Variants in C1orf122 observed in about 807,000 individuals in gnomAD.
C1orf122 encodes chromosome 1 open reading frame 122, also known as uncharacterized protein C1orf122.
In C1orf122, 12 loss-of-function variants were observed where a neutral mutation model predicts 12.9. The observed-to-expected ratio is 0.93, with a 90% confidence interval of 0.60 to 1.51. C1orf122 has a LOEUF of 1.51. Ranked by LOEUF, C1orf122 falls within the 40% of genes most tolerant of loss-of-function variation. C1orf122 has a pLI of 0.00. For missense variants in C1orf122, 144 were observed against 162.1 expected, an observed-to-expected ratio of 0.89 and a Z score of 0.61; for synonymous variants, 57 against 73.4, an observed-to-expected ratio of 0.78 and a Z score of 1.14.
In C1orf122 at chr1:37,809,148, G is replaced by A; in HGVS notation, c.*75G>A. 1 of 1,515,740 alleles carries A rather than the reference G, an allele frequency of 6.6e-7. No homozygotes were observed. Among genetic ancestry groups the A allele is most frequent in the Non-Finnish European group, 9.2e-7 (1 of 1,090,290 alleles). 93.9% of individuals were successfully genotyped at this position (1,515,740 alleles called of 1,614,324 possible). A position where few individuals can be genotyped will look rare whatever the true frequency, so the allele number is the denominator to read the frequency against. ...GCTGGACTCTGAACAACTCCCTTCA[G>A]TAAAGGGGCCAGTCTTCACTGGCAG... On this transcript the variant is annotated 3_prime_UTR_variant, in exon 3 of 3. Transcript: ENST00000373042.
In C1orf122 at chr1:37,808,744, C is replaced by A. The variant is rs1432552949; in HGVS notation, c.237+12C>A. 1.4e-6 allele frequency: 2 copies of A among 1,443,336 alleles called. No homozygotes were observed. Among genetic ancestry groups the A allele is most frequent in the Non-Finnish European group, 1.8e-6 (2 of 1,111,350 alleles). The allele number at this position is 1,443,336 out of a possible 1,614,324, so 89.4% of individuals were successfully genotyped here. A position where few individuals can be genotyped will look rare whatever the true frequency, so the allele number is the denominator to read the frequency against. ...CGGCTGGTGGCGGGGTTAGTGCCCA[C>A]CCTGGGCTGGGCTGGGGTGGGGTGG... On this transcript the variant is annotated intron_variant, in intron 2 of 2. Transcript: ENST00000373042.
intron 2 of C1orf122, 38 bp downstream of exon 2, chr1:37,808,770 G>A: frequency 6.9e-7 from 1 of 1,457,206 alleles, no homozygotes; most frequent in Non-Finnish European, 9.0e-7. Flanking sequence ...GGTGGGGTGG[G>A]GTCTGCCCAC....
rs1441979035 is a variant in C1orf122, at chr1:37,808,117, C to G, written c.-288C>G. 6.9e-7 allele frequency: 1 copy of G among 1,457,090 alleles called. No homozygotes were observed. The highest frequency in any genetic ancestry group is 1.5e-5 in the African/African-American group (1 of 68,050). The allele number at this position is 1,457,090 out of a possible 1,614,324, so 90.3% of individuals were successfully genotyped here. A position where few individuals can be genotyped will look rare whatever the true frequency, so the allele number is the denominator to read the frequency against. On this transcript the variant is annotated 5_prime_UTR_variant, in exon 1 of 3. Transcript: ENST00000373042. ...CCGCTCCGGGAGCCAGCAGGCCCCT[C>G]GCTCAACCCCACGCTGGCAGCCACC... is the stretch of plus-strand genomic sequence containing the variant.
chr1:37,809,098 C>T lies in C1orf122; in HGVS notation c.*25C>T, dbSNP rs543347775. On this transcript the variant is annotated 3_prime_UTR_variant, in exon 3 of 3. Coordinates refer to ENST00000373042, the MANE Select transcript of C1orf122 (RefSeq NM_198446.3). ...ACCATCCCCGAGCAGAATACCCTGA[C>T]TTCTCTCCCTCCCCAGGGCCGGTGG... The T allele has an allele frequency of 6.2e-7, 1 of 1,611,618 alleles. No homozygotes were observed. Among genetic ancestry groups the T allele is most frequent in the Admixed American group, 1.7e-5 (1 of 60,030 alleles).
Position 37,807,933 on chromosome 1 carries a change from A to ACCACGGCGCCGGCGCGCAGCTCGG in C1orf122, c.-463_-440dup. 1 of 1,246,332 alleles carries ACCACGGCGCCGGCGCGCAGCTCGG rather than the reference A, an allele frequency of 8.0e-7. No individual in the cohort carries two copies. The highest frequency in any genetic ancestry group is 1.6e-5 in the African/African-American group (1 of 64,198). 77.2% of individuals were successfully genotyped at this position (1,246,332 alleles called of 1,614,324 possible). A position where few individuals can be genotyped will look rare whatever the true frequency, so the allele number is the denominator to read the frequency against. ...GTACAGCGTATCGGTGGGGACGGCCACCACGGCGCCGGCGCGCAGCTCGGC... is the reference window on the plus strand; with the variant it reads ...GTACAGCGTATCGGTGGGGACGGCCACCACGGCGCCGGCGCGCAGCTCGGCCACGGCGCCGGCGCGCAGCTCGGC... On this transcript the variant is annotated 5_prime_UTR_variant, in exon 1 of 3. Transcript: ENST00000373042.
Position 37,808,718 on chromosome 1 carries a change from C to T in C1orf122, c.223C>T (p.Pro75Ser). ...LRQLGRRRPE[P>S]AGGGNVSAKP... ...GCAGCTGGGCCGCCGGCGCCCGGAG[C>T]CGGCTGGTGGCGGGGTTAGTGCCCA... is the stretch of plus-strand genomic sequence containing the variant. Residue 75 changes from proline to serine, a missense_variant, in exon 2 of 3, where the codon CCG (proline) becomes TCG (serine). Pro to Ser is a moderately conservative substitution (Grantham distance 74). Transcript: ENST00000373042. 7.0e-7 allele frequency: 1 copy of T among 1,427,782 alleles called. No individual in the cohort carries two copies. Among genetic ancestry groups the T allele is most frequent in the African/African-American group, 1.5e-5 (1 of 68,018 alleles). 88.4% of individuals were successfully genotyped at this position (1,427,782 alleles called of 1,614,324 possible). A position where few individuals can be genotyped will look rare whatever the true frequency, so the allele number is the denominator to read the frequency against.
At position 37,808,417 on chromosome 1, in the gene C1orf122, C is replaced by G. The variant is rs1646758880; in HGVS notation, c.13C>G (p.Pro5Ala). 1 of 1,292,450 alleles carries G rather than the reference C, an allele frequency of 7.7e-7. No individual in the cohort carries two copies. The highest frequency in any genetic ancestry group is 9.8e-7 in the Non-Finnish European group (1 of 1,021,644). 80.1% of individuals were successfully genotyped at this position (1,292,450 alleles called of 1,614,324 possible). Residue 5 changes from proline to alanine, a missense_variant, in exon 1 of 3, where the codon CCG becomes GCG. Physicochemically the swap from Pro to Ala is conservative, Grantham distance 27 (BLOSUM62 -1). Transcript: ENST00000373042. ...CGCGCAAGCGGAGATGGAATGGGGC[C>G]CGGGCTCAGACTGGTCACGGGGGTG... Reference protein sequence around the residue: MEWGPGSDWSRGEAA... With the variant: MEWGAGSDWSRGEAA...
Position 37,808,004 on chromosome 1 carries a change from C to T in C1orf122, c.-401C>T, listed in dbSNP as rs1293243965. On this transcript the variant is annotated 5_prime_UTR_variant, in exon 1 of 3. Coordinates refer to ENST00000373042, the MANE Select transcript of C1orf122 (RefSeq NM_198446.3). ...CGGTCCAGCCGGCGCGCTCCGGGCT[C>T]GCGGCCTGCACGGCCCCGCTCCCCG... is the stretch of plus-strand genomic sequence containing the variant. 1.5e-5 allele frequency: 18 copies of T among 1,209,172 alleles called. No individual in the cohort carries two copies. The highest frequency in any genetic ancestry group is 1.8e-5 in the Non-Finnish European group (18 of 974,054). 74.9% of individuals were successfully genotyped at this position (1,209,172 alleles called of 1,614,324 possible). A position where few individuals can be genotyped will look rare whatever the true frequency, so the allele number is the denominator to read the frequency against.
chr1:37,808,324 C>A lies in C1orf122; in HGVS notation c.-81C>A. On this transcript the variant is annotated 5_prime_UTR_variant, in exon 1 of 3. Transcript: ENST00000373042. ...GGAGACCGGTGGGGACGGGGCGGGG[C>A]GCAGCCTTGCGAAGCCCTAACGCAG... 7.8e-7 allele frequency: 1 copy of A among 1,274,522 alleles called. No individual in the cohort carries two copies. The highest frequency in any genetic ancestry group is 9.9e-7 in the Non-Finnish European group (1 of 1,010,974). 79.0% of individuals were successfully genotyped at this position (1,274,522 alleles called of 1,614,324 possible).
chr1:37,808,336 A>T lies in C1orf122; in HGVS notation c.-69A>T. 1 of 1,281,356 alleles carries T rather than the reference A, an allele frequency of 7.8e-7. No homozygotes were observed. Among genetic ancestry groups the T allele is most frequent in the Non-Finnish European group, 9.9e-7 (1 of 1,015,004 alleles). 79.4% of individuals were successfully genotyped at this position (1,281,356 alleles called of 1,614,324 possible). ...GGACGGGGCGGGGCGCAGCCTTGCGAAGCCCTAACGCAGCGCTGGGGAGGG... is the reference window on the plus strand; with the variant it reads ...GGACGGGGCGGGGCGCAGCCTTGCGTAGCCCTAACGCAGCGCTGGGGAGGG... On this transcript the variant is annotated 5_prime_UTR_variant, in exon 1 of 3. Transcript: ENST00000373042.
chr1:37,808,436 G>A lies in C1orf122; in HGVS notation c.32G>A (p.Arg11Gln). The A allele has an allele frequency of 6.2e-6, 8 of 1,283,590 alleles. No individual in the cohort carries two copies. The highest frequency in any genetic ancestry group is 7.9e-6 in the Non-Finnish European group (8 of 1,016,716). The allele number at this position is 1,283,590 out of a possible 1,614,324, so 79.5% of individuals were successfully genotyped here. A position where few individuals can be genotyped will look rare whatever the true frequency, so the allele number is the denominator to read the frequency against. The change falls in exon 1 of 3, where the codon CGG becomes CAG. Residue 11 changes from arginine (R) to glutamine (Q), a missense_variant. Transcript: ENST00000373042. Reference sequence around the variant, plus strand: ...TGGGGCCCGGGCTCAGACTGGTCACGGGGGTGAGAGGGGGCCCGTCGGGGC... The same window carrying A: ...TGGGGCCCGGGCTCAGACTGGTCACAGGGGTGAGAGGGGGCCCGTCGGGGC... The part of the protein sequence containing the change: MEWGPGSDWS[R>Q]GEAAGVDRGK...
chr1:37,808,375 G>T lies in C1orf122; in HGVS notation c.-30G>T, dbSNP rs539871785. The stretch of plus-strand genomic sequence containing the variant: ...CGCTGGGGAGGGGGGCGGCCGAAAG[G>T]GGGGCGGTGGTCGGGCCGCGCAAGC... On this transcript the variant is annotated 5_prime_UTR_variant, in exon 1 of 3. Coordinates refer to ENST00000373042, the MANE Select transcript of C1orf122 (RefSeq NM_198446.3). The T allele has an allele frequency of 1.4e-5, 18 of 1,287,896 alleles. No homozygotes were observed. The Admixed American group carries it at 1.7e-4, about 12-fold the overall frequency. The allele number at this position is 1,287,896 out of a possible 1,614,324, so 79.8% of individuals were successfully genotyped here.
rs1646758540 is a variant in C1orf122 at position 37,808,380 on chromosome 1, C to T, written c.-25C>T. On this transcript the variant is annotated 5_prime_UTR_variant, in exon 1 of 3. Coordinates refer to ENST00000373042, the MANE Select transcript of C1orf122 (RefSeq NM_198446.3). ...GGGAGGGGGGCGGCCGAAAGGGGGGCGGTGGTCGGGCCGCGCAAGCGGAGA... is the reference window on the plus strand; with the variant it reads ...GGGAGGGGGGCGGCCGAAAGGGGGGTGGTGGTCGGGCCGCGCAAGCGGAGA... 1.6e-6 allele frequency: 2 copies of T among 1,275,638 alleles called. No homozygotes were observed. Among genetic ancestry groups the T allele is most frequent in the Admixed American group, 4.2e-5 (1 of 23,706 alleles). 79.0% of individuals were successfully genotyped at this position (1,275,638 alleles called of 1,614,324 possible). A position where few individuals can be genotyped will look rare whatever the true frequency, so the allele number is the denominator to read the frequency against.
rs887160516 is a variant in C1orf122, at chr1:37,807,815, G to A, written c.-590G>A. On this transcript the variant is annotated 5_prime_UTR_variant, in exon 1 of 3. Transcript: ENST00000373042. The stretch of plus-strand genomic sequence containing the variant: ...ACCTGTAGACGTCGGCCACGCGGCC[G>A]AGGCATACGGCCAGAGGCTTGGCCT... The A allele has an allele frequency of 3.3e-6, 5 of 1,511,654 alleles. No individual in the cohort carries two copies. The highest frequency in any genetic ancestry group is 2.8e-5 in the African/African-American group (2 of 70,866). 93.6% of individuals were successfully genotyped at this position (1,511,654 alleles called of 1,614,324 possible).
chr1:37,807,992 G>A lies in C1orf122; in HGVS notation c.-413G>A. 2 of 1,201,370 alleles carry A rather than the reference G, an allele frequency of 1.7e-6. No individual in the cohort carries two copies. Among genetic ancestry groups the A allele is most frequent in the Non-Finnish European group, 1.0e-6 (1 of 969,288 alleles). The allele number at this position is 1,201,370 out of a possible 1,614,324, so 74.4% of individuals were successfully genotyped here. A position where few individuals can be genotyped will look rare whatever the true frequency, so the allele number is the denominator to read the frequency against. ...CCCGCAGCGCCTCGGTCCAGCCGGC[G>A]CGCTCCGGGCTCGCGGCCTGCACGG... is the stretch of plus-strand genomic sequence containing the variant. On this transcript the variant is annotated 5_prime_UTR_variant, in exon 1 of 3. Transcript: ENST00000373042.
At position 37,808,661 on chromosome 1, in the gene C1orf122, G is replaced by A; in HGVS notation, c.166G>A (p.Asp56Asn). 7.2e-7 allele frequency: 1 copy of A among 1,394,928 alleles called. No homozygotes were observed. The allele number at this position is 1,394,928 out of a possible 1,614,324, so 86.4% of individuals were successfully genotyped here. The change falls in exon 2 of 3, where the codon GAC becomes AAC. Residue 56 changes from aspartate to asparagine, a missense_variant. Transcript: ENST00000373042. ...GGAGCAGCGGCAGCGGCAGCTCCTG[G>A]ACACCATCGCAGCCTGCGAGGAGAT... is the stretch of plus-strand genomic sequence containing the variant. ...AVEQRQRQLL[D>N]TIAACEEMLR...
chr1:37,807,810 C>A lies in C1orf122; in HGVS notation c.-595C>A. 6.6e-7 allele frequency: 1 copy of A among 1,509,688 alleles called. No individual in the cohort carries two copies. Among genetic ancestry groups the A allele is most frequent in the African/African-American group, 1.4e-5 (1 of 70,884 alleles). 93.5% of individuals were successfully genotyped at this position (1,509,688 alleles called of 1,614,324 possible). A position where few individuals can be genotyped will look rare whatever the true frequency, so the allele number is the denominator to read the frequency against. On this transcript the variant is annotated 5_prime_UTR_variant, in exon 1 of 3. Coordinates refer to ENST00000373042, the MANE Select transcript of C1orf122 (RefSeq NM_198446.3). ...GCCTTACCTGTAGACGTCGGCCACG[C>A]GGCCGAGGCATACGGCCAGAGGCTT...
Position 37,808,221 on chromosome 1 carries a change from C to G in C1orf122, c.-184C>G. ...TCCGGGAGGAAGTGACGCTCCCAGC[C>G]AGCTTCCGGTCCAGGAGACTCGGCC... On this transcript the variant is annotated 5_prime_UTR_variant, in exon 1 of 3. Coordinates refer to ENST00000373042, the MANE Select transcript of C1orf122 (RefSeq NM_198446.3). 1 of 1,399,616 alleles carries G rather than the reference C, an allele frequency of 7.1e-7. No homozygotes were observed. The highest frequency in any genetic ancestry group is 9.3e-7 in the Non-Finnish European group (1 of 1,080,968). The allele number at this position is 1,399,616 out of a possible 1,614,324, so 86.7% of individuals were successfully genotyped here.
rs963228833 is a variant in C1orf122 at position 37,809,350 on chromosome 1, G to A, written c.*277G>A. The A allele has an allele frequency of 2.1e-5, 11 of 515,944 alleles. No individual in the cohort carries two copies. Among genetic ancestry groups the A allele is most frequent in the Middle Eastern group, 1.1e-3 (2 of 1,874 alleles). 32.0% of individuals were successfully genotyped at this position (515,944 alleles called of 1,614,324 possible). ...TCGCCAGAGTGGTCTGGCCTGCTAT[G>A]GGGGATCCAGGTGGTGTTACATGTC... On this transcript the variant is annotated 3_prime_UTR_variant, in exon 3 of 3. Transcript: ENST00000373042.
Sources: gnomAD v4.1 joint callset for allele counts on GRCh38, gnomAD v4.1.1 for gene constraint, MANE v1.5 for transcripts, NCBI Gene and HGNC (gene_info 2026-07-23, HGNC 2026-07-21) for gene names.